PPP2R5C: variants seen among roughly 807,000 people sequenced by gnomAD.
PPP2R5C encodes protein phosphatase 2 regulatory subunit B'gamma, also known as serine/threonine-protein phosphatase 2A 56 kDa regulatory subunit gamma isoform.
A neutral mutation model predicts 68.9 loss-of-function variants in PPP2R5C; 7 were observed. The observed-to-expected ratio is 0.10, with a 90% CI of 0.06 to 0.19. The LOEUF (loss-of-function observed/expected upper bound fraction) is 0.19. PPP2R5C is among the 10% of genes least tolerant of loss of function. The probability of loss-of-function intolerance (pLI) is 1.00; values close to 1 mark genes in which losing one functional copy is unlikely to be tolerated. For missense variants in PPP2R5C, 348 were observed against 641.3 expected (o/e 0.54, Z 4.94); for synonymous variants, 210 against 222.2 (o/e 0.95, Z 0.49).
chr14:101,871,565 C>T (rs866985058), intron 2 of PPP2R5C, among the ~76,000 whole-genome samples: 1 of 152,126 alleles, frequency 6.6e-6, no homozygotes, highest in Non-Finnish European at 1.5e-5. Context: ...TTTATTCAGT[C>T]AGACAATCCC....
intron 1 of PPP2R5C, among the ~76,000 whole-genome samples, chr14:101,834,680 T>C (rs990865088): frequency 3.9e-5 from 6 of 152,214 alleles, no homozygotes; most frequent in Non-Finnish European, 8.8e-5. Context: ...ACATTCATAC[T>C]GAGGATTTAT....
Position 101,776,843 on chromosome 14 carries a change from G to A in PPP2R5C, c.94-9175G>A, listed in dbSNP as rs139166208. Among the ~76,000 whole-genome samples the A allele has an allele frequency of 3.5e-3, 536 of 151,904 alleles. 5 individuals carry two copies. The highest frequency in any genetic ancestry group is 0.012 in the African/African-American group (503 of 41,410). ...CCTTTACTTCGCAGAATGCTTTCAA[G>A]GTCCATCCATGTTGTAGCGTGCGTC... On this transcript the variant is annotated intron_variant, in intron 2 of 14. Transcript: ENST00000328724.
chr14:101,807,811 A>G (rs980083898), upstream of PPP2R5C, among the ~76,000 whole-genome samples: 1 of 151,906 alleles, frequency 6.6e-6, no homozygotes, highest in African/African-American at 2.4e-5. Context: ...GGAAAAATAC[A>G]TCAAAAAGTG....
intron 13 of PPP2R5C, among the ~76,000 whole-genome samples, chr14:101,918,932 A>G (rs1056980804): frequency 1.3e-5 from 2 of 151,982 alleles, no homozygotes; most frequent in African/African-American, 4.8e-5. Flanking sequence ...CAGCGAAAGA[A>G]TTCCAAAAGA....
intron 7 of PPP2R5C, among the ~76,000 whole-genome samples, chr14:101,893,313 A>G (rs1267332299): frequency 6.6e-6 from 1 of 152,260 alleles, no homozygotes; most frequent in Non-Finnish European, 1.5e-5. Flanking sequence ...TCTGTAATAC[A>G]GAATTTTTCA....
chr14:101,913,290 C>T lies in PPP2R5C; in HGVS notation c.1326+817C>T, dbSNP rs978412306. Among the ~76,000 whole-genome samples the T allele has an allele frequency of 1.1e-4, 17 of 152,064 alleles. No individual in the cohort carries two copies. The highest frequency in any genetic ancestry group is 2.6e-4 in the Admixed American group (4 of 15,262). ...TTCAACTCTCCAGAAAAGATTTTAC[C>T]GAACAATGTATTTCTTTTAGTGAGA... On this transcript the variant is annotated intron_variant, in intron 12 of 13. Transcript: ENST00000334743. The surrounding 1 kb of genome is among the most constrained non-coding windows in gnomAD (Gnocchi z 4.1).
intron 1 of PPP2R5C, among the ~76,000 whole-genome samples, chr14:101,821,452 G>GGGGTGTGT (rs1555386194): frequency 8.2e-6 from 1 of 121,358 alleles, no homozygotes; most frequent in Non-Finnish European, 1.7e-5. Flanking sequence ...TGGGTGGGTG[G>GGGGTGTGT]GTGTGTGTGT....
chr14:101,833,417 C>A (rs921557108), intron 1 of PPP2R5C: 6 of 152,110 alleles, frequency 3.9e-5, no homozygotes, highest in Non-Finnish European at 8.8e-5. Flanking sequence ...CCTAGACTCT[C>A]CAAGTTTGGC....
chr14:101,907,459 G>A (rs914995092), intron 10 of PPP2R5C, among the ~76,000 whole-genome samples: 5 of 152,072 alleles, frequency 3.3e-5, no homozygotes, highest in African/African-American at 4.8e-5. Flanking sequence ...GAGCCACTGC[G>A]CCCAGGCCAT....
At chr14:101,775,931 G>T (rs1303508553) in intron 2 of PPP2R5C, among the ~76,000 whole-genome samples, 1 of 152,056 alleles carries the variant, frequency 6.6e-6, no homozygotes, top group African/African-American at 2.4e-5. Flanking sequence ...CAGTGGAGAG[G>T]CTCTGGGAAG....
intron 3 of PPP2R5C, among the ~76,000 whole-genome samples, chr14:101,798,455 G>GA (rs1448132071): frequency 1.3e-5 from 2 of 152,172 alleles, no homozygotes; most frequent in African/African-American, 4.8e-5. Flanking sequence ...GTGACAGAGG[G>GA]ATCAAAGAAT....
chr14:101,815,795 G>A (rs1355087417), intron 1 of PPP2R5C, among the ~76,000 whole-genome samples: 4 of 152,056 alleles, frequency 2.6e-5, no homozygotes, highest in Non-Finnish European at 5.9e-5. Flanking sequence ...TCAGCCTCCC[G>A]AGTAGCTGGG....
chr14:101,863,671 C>T lies in PPP2R5C; in HGVS notation c.294+6786C>T, dbSNP rs146202677. Among the ~76,000 whole-genome samples, 661 of 152,178 alleles carry T rather than the reference C, an allele frequency of 4.3e-3. 4 individuals are homozygous for T. Among genetic ancestry groups the T allele is most frequent in the African/African-American group, 0.015 (625 of 41,520 alleles). On this transcript the variant is annotated intron_variant, in intron 2 of 13. Transcript: ENST00000334743. ...CAGCACTTTGGGAGGCCAAGGCTGG[C>T]GGATCATGTGAGGTTGGGAGTTCTA...
exon 1 of PPP2R5C, chr14:101,809,917 C>A: frequency 6.2e-7 from 1 of 1,611,186 alleles, no homozygotes; most frequent in South Asian, 1.1e-5. Context: ...CTTAAGGAGC[C>A]CATTGCCTTT....
At chr14:101,776,077 G>C (rs2037407963) in intron 2 of PPP2R5C, among the ~76,000 whole-genome samples, 1 of 143,444 alleles carries the variant, frequency 7.0e-6, no homozygotes, top group Non-Finnish European at 1.5e-5. Flanking sequence ...TGGTGCTCGT[G>C]TGCAGCCACT....
chr14:101,847,978 G>C (rs563889598), intron 1 of PPP2R5C, among the ~76,000 whole-genome samples: 2 of 152,044 alleles, frequency 1.3e-5, no homozygotes, highest in Admixed American at 6.5e-5. Flanking sequence ...GAGCCACTGC[G>C]CCCGGCCTTG....
At chr14:101,787,567 T>C (rs553073076) in intron 3 of PPP2R5C, among the ~76,000 whole-genome samples, 2 of 150,048 alleles carry the variant, frequency 1.3e-5, no homozygotes, top group Non-Finnish European at 3.0e-5. Context: ...ATCAAGACCA[T>C]CCTGGCTAAC....
At chr14:101,919,091 T>C (rs2141177823) in intron 13 of PPP2R5C, among the ~76,000 whole-genome samples, 1 of 152,358 alleles carries the variant, frequency 6.6e-6, no homozygotes, top group African/African-American at 2.4e-5. Flanking sequence ...ATGTGACTGC[T>C]AGAAGATTCG....
intron 10 of PPP2R5C, among the ~76,000 whole-genome samples, chr14:101,909,006 C>T (rs1190751589): frequency 6.6e-6 from 1 of 152,178 alleles, no homozygotes; most frequent in Non-Finnish European, 1.5e-5. Flanking sequence ...GCTGGGGGAT[C>T]GGGGCTCTTA....
Sources: gnomAD v4.1 joint callset for allele counts (sites outside exome capture counted in the v4.1 genomes callset) on GRCh38, gnomAD v4.1.1 for gene constraint, Gnocchi (gnomAD v3.1) non-coding constraint, MANE v1.5 for transcripts, NCBI Gene and HGNC (gene_info 2026-07-23, HGNC 2026-07-21) for gene names.